Variants in RPS6KC1 observed in about 807,000 individuals in gnomAD.
RPS6KC1 encodes the protein inactive ribosomal protein S6 kinase delta-1.
A neutral mutation model predicts 103.8 loss-of-function variants in RPS6KC1; 54 were observed. The observed-to-expected ratio is 0.52, with a 90% CI of 0.42 to 0.65. RPS6KC1 has a LOEUF of 0.65. Among genes scored for constraint, RPS6KC1 ranks in the 30% least tolerant of loss-of-function variants. The pLI is 0.00. For synonymous variants in RPS6KC1, 439 were observed against 438.7 expected (o/e 1.00, Z -0.01); for missense variants, 1,151 against 1,253.8 (o/e 0.92, Z 1.24).
At chr1:213,159,940 C>A (rs1406324733) in intron 6 of RPS6KC1, among the ~76,000 whole-genome samples, 3 of 152,118 alleles carry the variant, frequency 2.0e-5, no homozygotes, top group Admixed American at 2.0e-4. Flanking sequence ...ACCCAAAAAA[C>A]CCTAAATGAA....
chr1:213,258,700 G>A (rs907691730), intron 12 of RPS6KC1, among the ~76,000 whole-genome samples: 10 of 152,114 alleles, frequency 6.6e-5, no homozygotes, highest in Non-Finnish European at 1.3e-4. Context: ...GTCATTCATC[G>A]CTTGTTTTAG....
At chr1:213,784,409 C>G in the RPS6KC1 span, among the ~76,000 whole-genome samples, 13 of 152,212 alleles carry the variant, frequency 8.5e-5, no homozygotes, top group African/African-American at 3.1e-4. Context: ...TGGTTTCTCC[C>G]AAGAACTTTT....
At chr1:213,760,903 AG>A in the RPS6KC1 span, among the ~76,000 whole-genome samples, 1 of 151,384 alleles carries the variant, frequency 6.6e-6, no homozygotes, top group Non-Finnish European at 1.5e-5. Flanking sequence ...CCTGGGCTAA[AG>A]GAACAGAAAA....
intron 7 of RPS6KC1, among the ~76,000 whole-genome samples, chr1:213,170,630 TCGGTTCTTAGGC>T (rs2091397951): frequency 2.0e-5 from 3 of 152,358 alleles, no homozygotes; most frequent in African/African-American, 7.2e-5. Context: ...TAGGATTTTT[TCGGTTCTTAGGC>T]AAGGAGGCTA....
the RPS6KC1 span, among the ~76,000 whole-genome samples, chr1:213,792,819 C>T: frequency 6.6e-5 from 10 of 151,370 alleles, no homozygotes; most frequent in Non-Finnish European, 1.0e-4. Context: ...ACTTAAGGAA[C>T]CCCCACCCCA....
chr1:213,605,922 T>C, the RPS6KC1 span, among the ~76,000 whole-genome samples: 4 of 152,176 alleles, frequency 2.6e-5, no homozygotes, highest in Non-Finnish European at 4.4e-5. Context: ...AGAATGAGGT[T>C]GAGGGAGTGC....
the RPS6KC1 span, among the ~76,000 whole-genome samples, chr1:213,316,701 G>A: frequency 3.5e-4 from 27 of 77,388 alleles, no homozygotes; most frequent in South Asian, 3.6e-4. Context: ...AGGGCATGCA[G>A]TGTGTGTGTG....
At chr1:213,427,524 CTT>C in the RPS6KC1 span, among the ~76,000 whole-genome samples, 1 of 152,114 alleles carries the variant, frequency 6.6e-6, no homozygotes, top group Non-Finnish European at 1.5e-5. Flanking sequence ...GTCACTAAAA[CTT>C]TATTATTTTT....
the RPS6KC1 span, among the ~76,000 whole-genome samples, chr1:213,400,713 T>C: frequency 3.6e-4 from 53 of 147,666 alleles, no homozygotes; most frequent in Non-Finnish European, 6.6e-4. Flanking sequence ...CTTTCTCTCT[T>C]TTTTTTTTTT....
chr1:213,178,808 G>T (rs2092067347), intron 8 of RPS6KC1, among the ~76,000 whole-genome samples: 1 of 151,938 alleles, frequency 6.6e-6, no homozygotes, highest in Admixed American at 6.6e-5. Context: ...TCCGCCTCGT[G>T]GGTTCAAACA....
At chr1:213,505,132 C>G in the RPS6KC1 span, among the ~76,000 whole-genome samples, 1 of 152,128 alleles carries the variant, frequency 6.6e-6, no homozygotes, top group African/African-American at 2.4e-5. Context: ...TTCCACTTAC[C>G]CCAAGTATCC....
At chr1:213,370,248 A>G in the RPS6KC1 span, among the ~76,000 whole-genome samples, 1 of 142,086 alleles carries the variant, frequency 7.0e-6, no homozygotes, top group Admixed American at 6.8e-5. Context: ...ATTTTATTTT[A>G]TTTATTTTAT....
the RPS6KC1 span, among the ~76,000 whole-genome samples, chr1:213,768,071 T>C: frequency 3.3e-5 from 5 of 152,236 alleles, no homozygotes; most frequent in Admixed American, 3.3e-4. Flanking sequence ...TATTTATCTA[T>C]ATCACTGAAA....
At chr1:213,499,461 C>G in the RPS6KC1 span, among the ~76,000 whole-genome samples, 2 of 152,152 alleles carry the variant, frequency 1.3e-5, no homozygotes, top group African/African-American at 4.8e-5. Flanking sequence ...TGAAACTATT[C>G]CACCTCAGAT....
At position 213,265,590 on chromosome 1, in the gene RPS6KC1, T is replaced by C. The variant is rs1329053806; in HGVS notation, c.3090+2774T>C. On this transcript the variant is annotated intron_variant, in intron 14 of 14. Transcript: ENST00000366960. Reference sequence around the variant, plus strand: ...ATTGTGAAAGTGGATTTGATATATGTGGGATATTCCTGTGATGTTTGTTTT... The same window carrying C: ...ATTGTGAAAGTGGATTTGATATATGCGGGATATTCCTGTGATGTTTGTTTT... Among the ~76,000 whole-genome samples the C allele has an allele frequency of 2.6e-5, 4 of 152,366 alleles. No homozygotes were observed. In the East Asian group the frequency reaches 7.7e-4, roughly 29 times the overall value.
At chr1:213,535,595 T>TC in the RPS6KC1 span, among the ~76,000 whole-genome samples, 3 of 151,604 alleles carry the variant, frequency 2.0e-5, no homozygotes. Context: ...AAACAGGTAA[T>TC]CCCCAGGGTA....
chr1:213,490,295 C>T, the RPS6KC1 span, among the ~76,000 whole-genome samples: 1 of 152,136 alleles, frequency 6.6e-6, no homozygotes, highest in African/African-American at 2.4e-5. Context: ...ACGTTGAAAG[C>T]GGCTTAATAT....
the RPS6KC1 span, among the ~76,000 whole-genome samples, chr1:213,306,952 C>T: frequency 6.6e-6 from 1 of 152,214 alleles, no homozygotes; most frequent in African/African-American, 2.4e-5. Flanking sequence ...CATATTTCCA[C>T]CTCTGAGCTA....
the RPS6KC1 span, among the ~76,000 whole-genome samples, chr1:213,646,433 A>G: frequency 6.6e-6 from 1 of 152,138 alleles, no homozygotes; most frequent in Non-Finnish European, 1.5e-5. Flanking sequence ...TCTTGTGGGG[A>G]GAAATGCCTG....
Sources: allele counts gnomAD v4.1 joint callset (sites outside exome capture counted in the v4.1 genomes callset), GRCh38; gene constraint gnomAD v4.1.1; transcripts MANE v1.5; gene names NCBI Gene and HGNC (gene_info 2026-07-23, HGNC 2026-07-21).